Variants in GLYATL1 observed in about 807,000 individuals in gnomAD.
The protein encoded by GLYATL1 is glycine N-acyltransferase-like protein 1.
A neutral mutation model predicts 20.0 loss-of-function variants in GLYATL1; 15 were observed. The observed-to-expected ratio is 0.75, with a 90% confidence interval of 0.50 to 1.15. GLYATL1 has a LOEUF of 1.15. Ranked by LOEUF, GLYATL1 falls within the 50% of genes most tolerant of loss-of-function variation. The pLI is 0.00. For missense variants in GLYATL1, 380 were observed against 368.5 expected (o/e 1.03, Z -0.26); for synonymous variants, 151 against 131.5 (o/e 1.15, Z -1.01).
At chr11:58,918,216 A>G (rs58476503) in intron 1 of GLYATL1, among the ~76,000 whole-genome samples, 6,256 of 152,272 alleles carry the variant, frequency 0.041, 406 homozygotes, top group African/African-American at 0.14. Context: ...ACCTCCTAAT[A>G]TAGCCAGCAC....
chr11:58,953,505 G>A (rs996640751), intron 4 of GLYATL1, among the ~76,000 whole-genome samples: 2 of 145,280 alleles, frequency 1.4e-5, no homozygotes, highest in Admixed American at 1.4e-4. Flanking sequence ...ATTTAAAAAT[G>A]AACTTTTGGC....
intron 3 of GLYATL1, 55 bp from the exon 4 acceptor site, chr11:58,947,803 G>A (rs1261409373): frequency 1.7e-6 from 2 of 1,198,626 alleles, no homozygotes; most frequent in Non-Finnish European, 2.5e-6. Flanking sequence ...TTCACAACCA[G>A]ATCCTCATCT....
At chr11:58,941,998 G>T (rs1250076276) in intron 1 of GLYATL1, among the ~76,000 whole-genome samples, 1 of 152,204 alleles carries the variant, frequency 6.6e-6, no homozygotes, top group Non-Finnish European at 1.5e-5. Context: ...CCTACTTGGG[G>T]CAATGTTTCA....
upstream of GLYATL1, among the ~76,000 whole-genome samples, chr11:58,938,844 G>T (rs1855955287): frequency 6.6e-6 from 1 of 152,176 alleles, no homozygotes; most frequent in African/African-American, 2.4e-5. Flanking sequence ...AAAGGAGTCT[G>T]CTCTGGAACT....
chr11:58,955,979 T>A lies in GLYATL1; in HGVS notation c.861T>A (p.Cys287Ter), dbSNP rs1041940963. 3.1e-6 allele frequency: 5 copies of A among 1,613,702 alleles called. No homozygotes were observed. The highest frequency in any genetic ancestry group is 4.2e-6 in the Non-Finnish European group (5 of 1,179,692). The change falls in exon 7 of 7, where the codon TGT becomes TGA. Residue 287 changes from cysteine (C) to a stop codon, truncating the protein, a stop_gained. Coordinates refer to ENST00000532726, the MANE Select transcript of GLYATL1 (RefSeq NM_001389712.2). LOFTEE classifies it high-confidence loss of function. ...AGTTTGGTTTCTTTGAGGCCTCCTGTGAGTGGCACCAATGGACTTGCTACC... is the reference window on the plus strand; with the variant it reads ...AGTTTGGTTTCTTTGAGGCCTCCTGAGAGTGGCACCAATGGACTTGCTACC... The part of the protein sequence containing the change: ...VGQFGFFEAS[C>*]EWHQWTCYPQ...
At chr11:58,935,256 C>A (rs1855778306), upstream of GLYATL1, 1 of 152,272 alleles carries the variant, frequency 6.6e-6, no homozygotes, top group Non-Finnish European at 1.5e-5. Context: ...TGTGCAGGTA[C>A]TAGCCTGGAG....
At chr11:58,905,980 C>T (rs1189882276) in intron 1 of GLYATL1, among the ~76,000 whole-genome samples, 2 of 152,216 alleles carry the variant, frequency 1.3e-5, no homozygotes, top group African/African-American at 2.4e-5. Flanking sequence ...GGCTCCCTCC[C>T]GCGCGCCAGC....
rs77535357 is a variant in GLYATL1 at position 58,955,386 on chromosome 11, C to T, written c.491+33C>T. The T allele has an allele frequency of 3.8e-3, 5,885 of 1,569,184 alleles. 195 individuals are homozygous for T. In the Admixed American group the frequency reaches 0.074, roughly 20 times the overall value. ...AACATGTGCTGATCATTTATAATTG[C>T]GATTCCTTGTACATTTTTGTAATTC... On this transcript the variant is annotated intron_variant, in intron 6 of 6. Transcript: ENST00000532726.
rs1362209572 is a variant in GLYATL1, at chr11:58,947,107, C to A, written c.20C>A (p.Ser7Tyr). The A allele has an allele frequency of 3.1e-6, 5 of 1,614,018 alleles. No homozygotes were observed. The East Asian group carries it at 1.1e-4, about 36-fold the overall frequency. Residue 7 changes from serine (S) to tyrosine (Y), a missense_variant, in exon 3 of 7, where the codon TCC (serine) becomes TAC (tyrosine). Coordinates refer to ENST00000532726, the MANE Select transcript of GLYATL1 (RefSeq NM_001389712.2). ...CACAGAATGATCCTACTGAATAACT[C>A]CCATAAGCTGCTGGCCCTATACAAA... Reference protein sequence around the residue: MILLNNSHKLLALYKSL... With the variant: MILLNNYHKLLALYKSL...
At chr11:58,910,047 C>T (rs1855001572), downstream of GLYATL1, among the ~76,000 whole-genome samples, 1 of 152,162 alleles carries the variant, frequency 6.6e-6, no homozygotes, top group East Asian at 1.9e-4. Context: ...ACTTCTCTTG[C>T]CATCTAATTG....
chr11:58,913,208 G>A (rs1855092979), downstream of GLYATL1, among the ~76,000 whole-genome samples: 1 of 152,116 alleles, frequency 6.6e-6, no homozygotes, highest in Non-Finnish European at 1.5e-5. Context: ...GCTTGAAGGG[G>A]CAGAGGAGTT....
At position 58,947,062 on chromosome 11, in the gene GLYATL1, T is replaced by C; in HGVS notation, c.-26T>C. ...TCTTTTCAGAGTTTCTTCTTCAAGGTCTCAAGGTCTGAAGCATCCCACAGA... is the reference window on the plus strand; with the variant it reads ...TCTTTTCAGAGTTTCTTCTTCAAGGCCTCAAGGTCTGAAGCATCCCACAGA... On this transcript the variant is annotated 5_prime_UTR_variant, in exon 3 of 7. Transcript: ENST00000532726. The C allele has an allele frequency of 6.2e-7, 1 of 1,612,918 alleles. No homozygotes were observed. The highest frequency in any genetic ancestry group is 8.5e-7 in the Non-Finnish European group (1 of 1,178,886).
intron 5 of GLYATL1, 107 bp from the exon 6 acceptor site, chr11:58,955,069 A>T: frequency 7.9e-7 from 1 of 1,267,576 alleles, no homozygotes; most frequent in Non-Finnish European, 1.1e-6. Flanking sequence ...ACTGTGGTGT[A>T]AACTCAAGTT....
At chr11:58,931,769 A>T (rs1855609296) in intron 1 of GLYATL1, among the ~76,000 whole-genome samples, 2 of 152,210 alleles carry the variant, frequency 1.3e-5, no homozygotes, top group South Asian at 4.1e-4. Context: ...CATGTTTAAC[A>T]CGTATGATGA....
At chr11:58,945,462 G>C (rs1031101476) in intron 2 of GLYATL1, among the ~76,000 whole-genome samples, 10 of 152,138 alleles carry the variant, frequency 6.6e-5, no homozygotes, top group South Asian at 6.2e-4. Context: ...ATGCACAGGA[G>C]GGGTATTTTG....
intron 1 of GLYATL1, among the ~76,000 whole-genome samples, chr11:58,919,951 G>T (rs967985009): frequency 5.3e-5 from 8 of 152,072 alleles, no homozygotes; most frequent in African/African-American, 1.9e-4. Flanking sequence ...CCCATCAAAG[G>T]TTTTCCACCA....
At chr11:58,905,709 C>G in intron 1 of GLYATL1, 5 of 173,294 alleles carry the variant, frequency 2.9e-5, no homozygotes, top group Non-Finnish European at 3.5e-5. Context: ...GAGGGGATCG[C>G]TGGGACCGGG....
intron 3 of GLYATL1, chr11:58,947,550 C>T (rs1264378910): frequency 3.4e-5 from 15 of 447,170 alleles, no homozygotes; most frequent in Admixed American, 2.9e-4. Flanking sequence ...TAGCACCTAC[C>T]GCTTAAAGTT....
intron 1 of GLYATL1, among the ~76,000 whole-genome samples, chr11:58,931,170 C>G (rs552963161): frequency 6.6e-6 from 1 of 152,258 alleles, no homozygotes; most frequent in East Asian, 1.9e-4. Context: ...AAGATCTGTT[C>G]CAGGACTCTC....
Sources: gnomAD v4.1 joint callset for allele counts (sites outside exome capture counted in the v4.1 genomes callset) on GRCh38, gnomAD v4.1.1 for gene constraint, MANE v1.5 for transcripts, NCBI Gene and HGNC (gene_info 2026-07-23, HGNC 2026-07-21) for gene names.